Variants in CRPPA observed in about 807,000 individuals in gnomAD.
CRPPA encodes the protein CDP-L-ribitol pyrophosphorylase A.
In CRPPA, 43 loss-of-function variants were observed where a neutral mutation model predicts 52.0. That is an observed-to-expected ratio of 0.83 (90% CI 0.65 to 1.07). The LOEUF is 1.07. Among genes scored for constraint, CRPPA ranks in the 50% least tolerant of loss-of-function variants. The probability of loss-of-function intolerance (pLI) is 0.00; values close to 1 mark genes in which losing one functional copy is unlikely to be tolerated. For synonymous variants in CRPPA, 250 were observed against 203.5 expected (o/e 1.23, Z -1.94); for missense variants, 629 against 551.7 (o/e 1.14, Z -1.40).
chr7:16,327,219 G>C (rs1785419722), intron 3 of CRPPA, among the ~76,000 whole-genome samples: 1 of 152,104 alleles, frequency 6.6e-6, no homozygotes, highest in Non-Finnish European at 1.5e-5. Flanking sequence ...TCTTCAAGTA[G>C]AACTCAACCT....
At chr7:16,224,288 A>AT (rs1482894670) in intron 8 of CRPPA, among the ~76,000 whole-genome samples, 2 of 152,164 alleles carry the variant, frequency 1.3e-5, no homozygotes, top group East Asian at 1.9e-4. Context: ...TTAAAATGGG[A>AT]TTTTTTACTT....
intron 4 of CRPPA, 147 bp downstream of exon 4, chr7:16,308,376 A>G (rs1186140838): frequency 1.7e-6 from 1 of 573,902 alleles, no homozygotes; most frequent in Non-Finnish European, 3.2e-6. Context: ...GAAGCCAAGC[A>G]ATAGAAGGGA....
intron 1 of CRPPA, among the ~76,000 whole-genome samples, chr7:16,414,553 T>C (rs1788147588): frequency 1.3e-5 from 2 of 152,180 alleles, no homozygotes. Flanking sequence ...TATGGTTTAA[T>C]TGTCAGCTTT....
At chr7:16,138,864 C>T (rs968460195) in intron 9 of CRPPA, among the ~76,000 whole-genome samples, 10 of 152,108 alleles carry the variant, frequency 6.6e-5, no homozygotes, top group African/African-American at 2.4e-4. Context: ...TGCAATGGCA[C>T]GATCTCGGCT....
chr7:16,167,048 C>G lies in CRPPA; in HGVS notation c.1251+49018G>C, dbSNP rs570465063. Among the ~76,000 whole-genome samples the G allele has an allele frequency of 5.3e-5, 8 of 152,124 alleles. No homozygotes were observed. In the South Asian group the frequency reaches 1.7e-3, roughly 32 times the overall value. ...GGTTCACACCATTGTCCTGCCTCAG[C>G]CTCCCGAGTAGCTGGGACTACAGGG... is the stretch of plus-strand genomic sequence containing the variant. On this transcript the variant is annotated intron_variant, in intron 9 of 9. Transcript: ENST00000407010.
chr7:16,348,883 G>A (rs529952477), intron 3 of CRPPA, among the ~76,000 whole-genome samples: 1 of 152,154 alleles, frequency 6.6e-6, no homozygotes, highest in Non-Finnish European at 1.5e-5. Flanking sequence ...TCCCACCCAA[G>A]GGACTGTCTC....
rs1781785978 is a variant in CRPPA at position 16,089,521 on chromosome 7, A to ATATG, written c.*2170_*2173dup. ...TACGTACATACATAGATATGGGTAT[A>ATATG]TATGTACGTACATACATATATATGT... is the stretch of plus-strand genomic sequence containing the variant. On this transcript the variant is annotated 3_prime_UTR_variant, in exon 10 of 10. Transcript: ENST00000407010. 7.3e-6 allele frequency: 2 copies of ATATG among 275,542 alleles called. No individual in the cohort carries two copies. The highest frequency in any genetic ancestry group is 1.6e-5 in the Non-Finnish European group (2 of 127,372). The allele number at this position is 275,542 out of a possible 1,614,324, so 17.1% of individuals were successfully genotyped here.
intron 9 of CRPPA, among the ~76,000 whole-genome samples, chr7:16,197,084 G>A (rs989426738): frequency 2.0e-5 from 3 of 151,634 alleles, no homozygotes; most frequent in Non-Finnish European, 4.4e-5. Context: ...TGATAAACAT[G>A]GCACACCTAC....
intron 9 of CRPPA, among the ~76,000 whole-genome samples, chr7:16,194,907 G>A (rs867486420): frequency 3.3e-5 from 5 of 151,262 alleles, no homozygotes; most frequent in Middle Eastern, 6.8e-3. Context: ...GTTGGGAGGT[G>A]GCTTCTTGGA....
intron 1 of CRPPA, among the ~76,000 whole-genome samples, chr7:16,419,111 A>G (rs1179839030): frequency 6.6e-6 from 1 of 152,212 alleles, no homozygotes; most frequent in East Asian, 1.9e-4. Flanking sequence ...CCCACTACCC[A>G]GAGAAATGGA....
At chr7:16,135,548 T>C (rs1782747991) in intron 9 of CRPPA, among the ~76,000 whole-genome samples, 1 of 152,116 alleles carries the variant, frequency 6.6e-6, no homozygotes, top group Non-Finnish European at 1.5e-5. Context: ...ACAGAAACAT[T>C]ACATTCTGAT....
chr7:16,108,178 C>G (rs1013319555), intron 9 of CRPPA, among the ~76,000 whole-genome samples: 1 of 151,810 alleles, frequency 6.6e-6, no homozygotes, highest in Non-Finnish European at 1.5e-5. Flanking sequence ...CTCTGAGACA[C>G]AAAGTAACTA....
At chr7:16,397,130 G>C (rs972580360) in intron 2 of CRPPA, among the ~76,000 whole-genome samples, 1 of 152,266 alleles carries the variant, frequency 6.6e-6, no homozygotes, top group African/African-American at 2.4e-5. Flanking sequence ...CAACTGACAA[G>C]TTAGAGATGC....
chr7:16,302,133 A>G (rs1451498753), intron 4 of CRPPA, among the ~76,000 whole-genome samples: 3 of 151,966 alleles, frequency 2.0e-5, no homozygotes, highest in African/African-American at 7.2e-5. Flanking sequence ...CGTCTCTACT[A>G]AAAATACAAA....
chr7:16,388,431 G>A (rs1204865063), intron 2 of CRPPA, among the ~76,000 whole-genome samples: 2 of 152,124 alleles, frequency 1.3e-5, no homozygotes, highest in Non-Finnish European at 2.9e-5. Context: ...AACTGTAAAT[G>A]CCTATATAAA....
chr7:16,239,136 T>TGAAAAAAAAA (rs1783031690), intron 8 of CRPPA, among the ~76,000 whole-genome samples: 1 of 10,694 alleles, frequency 9.4e-5, no homozygotes, highest in Non-Finnish European at 1.8e-4. Context: ...AGACTCTGTC[T>TGAAAAAAAAA]CAAAAAAAAA....
chr7:16,134,065 G>A (rs1057103030), intron 9 of CRPPA, among the ~76,000 whole-genome samples: 1 of 123,598 alleles, frequency 8.1e-6, no homozygotes, highest in African/African-American at 2.6e-5. Flanking sequence ...CCGAGCAGCT[G>A]GGACTACAGG....
intron 9 of CRPPA, among the ~76,000 whole-genome samples, chr7:16,170,962 C>A (rs76244495): frequency 0.061 from 9,334 of 152,280 alleles, 375 homozygotes; most frequent in East Asian, 0.14. Flanking sequence ...CCCTCCACAC[C>A]TCCCCACAAG....
chr7:16,280,359 A>T (rs1326656776), intron 5 of CRPPA, among the ~76,000 whole-genome samples: 3 of 152,226 alleles, frequency 2.0e-5, no homozygotes, highest in East Asian at 3.8e-4. Flanking sequence ...AAACTTATAC[A>T]TCATGAAATT....
Sources: allele counts gnomAD v4.1 joint callset (sites outside exome capture counted in the v4.1 genomes callset), GRCh38; gene constraint gnomAD v4.1.1; transcripts MANE v1.5; gene names NCBI Gene and HGNC (gene_info 2026-07-23, HGNC 2026-07-21).